CBR4: variants seen among roughly 807,000 people sequenced by gnomAD.
CBR4 encodes the protein 3-oxoacyl-[acyl-carrier-protein] reductase.
A neutral mutation model predicts 21.0 loss-of-function variants in CBR4; 22 were observed. The ratio of observed to expected loss-of-function variants is 1.05; its 90% confidence interval spans 0.75 to 1.50. The LOEUF is 1.50. Among genes scored for constraint, CBR4 ranks in the 40% most tolerant of loss-of-function variants. The pLI is 0.00. For missense variants in CBR4, 302 were observed against 286.3 expected, an observed-to-expected ratio of 1.05 and a Z score of -0.40; for synonymous variants, 100 against 104.4, an observed-to-expected ratio of 0.96 and a Z score of 0.26.
intron 2 of CBR4, among the ~76,000 whole-genome samples, chr4:168,975,379 T>G (rs1023551025): frequency 6.6e-6 from 1 of 152,122 alleles, no homozygotes; most frequent in African/African-American, 2.4e-5. Flanking sequence ...TGAATGCTGG[T>G]TATGTTAGCA....
At chr4:168,995,190 G>A (rs1765132883) in intron 4 of CBR4, among the ~76,000 whole-genome samples, 1 of 152,178 alleles carries the variant, frequency 6.6e-6, no homozygotes, top group Non-Finnish European at 1.5e-5. Context: ...TCTTACATTG[G>A]TAGGTACATA....
At chr4:168,968,314 T>C (rs1488563637) in intron 2 of CBR4, among the ~76,000 whole-genome samples, 2 of 152,190 alleles carry the variant, frequency 1.3e-5, no homozygotes, top group Non-Finnish European at 2.9e-5. Context: ...CCAAAGTGTG[T>C]TACTGACTAA....
At chr4:168,931,310 G>T (rs1370112391) in intron 2 of CBR4, among the ~76,000 whole-genome samples, 1 of 152,128 alleles carries the variant, frequency 6.6e-6, no homozygotes, top group Non-Finnish European at 1.5e-5. Flanking sequence ...ATGCCTCCAG[G>T]CCTACCCAGT....
intron 4 of CBR4, among the ~76,000 whole-genome samples, chr4:168,995,940 AAG>A (rs1203672406): frequency 6.6e-6 from 1 of 152,178 alleles, no homozygotes; most frequent in South Asian, 2.1e-4. Context: ...AGATCTGTAC[AAG>A]AGAGAGTGGT....
intron 2 of CBR4, chr4:168,898,418 A>C: frequency 1.1e-6 from 1 of 914,972 alleles, no homozygotes. Flanking sequence ...CTAGGGCCTT[A>C]TTGGGGGGCA....
chr4:168,921,814 T>C, intron 2 of CBR4: 1 of 1,170,298 alleles, frequency 8.5e-7, no homozygotes, highest in Non-Finnish European at 1.3e-6. Flanking sequence ...TAATTCTACA[T>C]TACTAACCAA....
At chr4:169,009,695 G>A (rs1413488717) in intron 1 of CBR4, among the ~76,000 whole-genome samples, 1 of 152,234 alleles carries the variant, frequency 6.6e-6, no homozygotes, top group Non-Finnish European at 1.5e-5. Context: ...AAAAGACTAC[G>A]AGGTCTCAAA....
intron 2 of CBR4, chr4:168,927,685 T>A (rs1285298166): frequency 4.4e-6 from 1 of 226,100 alleles, no homozygotes; most frequent in African/African-American, 2.2e-5. Flanking sequence ...GGTGCTGGAT[T>A]CCAAGGTTTG....
intron 2 of CBR4, among the ~76,000 whole-genome samples, chr4:168,897,096 G>A (rs1000389104): frequency 7.9e-5 from 12 of 152,300 alleles, no homozygotes; most frequent in Admixed American, 2.0e-4. Context: ...TTCCCAAAGC[G>A]CTGGGAATAC....
In CBR4 at chr4:168,990,036, T is replaced by C; in HGVS notation, c.*114A>G. ...TTTTATAAAGACAGAAATTAACATT[T>C]GTAGCATCAGCAGGTTTGATTAGCA... On this transcript the variant is annotated 3_prime_UTR_variant, in exon 5 of 5. Transcript: ENST00000306193. The C allele has an allele frequency of 7.6e-7, 1 of 1,323,372 alleles. No individual in the cohort carries two copies. Among genetic ancestry groups the C allele is most frequent in the Non-Finnish European group, 9.7e-7 (1 of 1,029,456 alleles). The allele number at this position is 1,323,372 out of a possible 1,614,324, so 82.0% of individuals were successfully genotyped here.
At chr4:168,934,129 C>G (rs1763036971) in intron 2 of CBR4, among the ~76,000 whole-genome samples, 1 of 151,734 alleles carries the variant, frequency 6.6e-6, no homozygotes, top group Non-Finnish European at 1.5e-5. Flanking sequence ...GTGGTGCACA[C>G]CTATAGCCCC....
intron 2 of CBR4, among the ~76,000 whole-genome samples, chr4:168,906,185 T>C (rs1052991945): frequency 7.2e-5 from 11 of 152,224 alleles, no homozygotes; most frequent in African/African-American, 2.7e-4. Context: ...GAATTATCTG[T>C]GGTCCTTACG....
chr4:168,941,474 G>A (rs549199183), intron 2 of CBR4, among the ~76,000 whole-genome samples: 14 of 151,812 alleles, frequency 9.2e-5, no homozygotes, highest in South Asian at 2.1e-4. Context: ...CAACAGATAC[G>A]GAAAAAGCAT....
Position 168,988,023 on chromosome 4 carries a change from C to T in CBR4, c.*2127G>A, listed in dbSNP as rs1479400168. 5 of 985,264 alleles carry T rather than the reference C, an allele frequency of 5.1e-6. No individual in the cohort carries two copies. The highest frequency in any genetic ancestry group is 4.7e-5 in the South Asian group (1 of 21,296). The allele number at this position is 985,264 out of a possible 1,614,324, so 61.0% of individuals were successfully genotyped here. A position where few individuals can be genotyped will look rare whatever the true frequency, so the allele number is the denominator to read the frequency against. Reference sequence around the variant, plus strand: ...AGTCAGCAAACAGCTACAGATGAGTCTTCTTGTTAAGAATTCATTCAATGC... The same window carrying T: ...AGTCAGCAAACAGCTACAGATGAGTTTTCTTGTTAAGAATTCATTCAATGC... On this transcript the variant is annotated 3_prime_UTR_variant, in exon 5 of 5. Transcript: ENST00000306193.
chr4:168,981,077 A>G (rs1023333561), intron 2 of CBR4, among the ~76,000 whole-genome samples: 4 of 152,162 alleles, frequency 2.6e-5, no homozygotes, highest in Non-Finnish European at 2.9e-5. Flanking sequence ...GAACAATTCA[A>G]AAGATAAAAA....
intron 2 of CBR4, chr4:168,925,259 C>A: frequency 6.2e-7 from 1 of 1,607,160 alleles, no homozygotes; most frequent in African/African-American, 1.3e-5. Context: ...GTGAACCACA[C>A]CAGGAGAACA....
rs1336583410 is a variant in CBR4, at chr4:168,988,778, T to C, written c.*1372A>G. On this transcript the variant is annotated 3_prime_UTR_variant, in exon 5 of 5. Transcript: ENST00000306193. The stretch of plus-strand genomic sequence containing the variant: ...AACTATTTCAAAGATAAATTTAAAA[T>C]AATTTTTAAGGAACCCAGAATTTTT... The C allele has an allele frequency of 1.0e-6, 1 of 961,846 alleles. No homozygotes were observed. The highest frequency in any genetic ancestry group is 1.1e-4 in the East Asian group (1 of 8,708). The allele number at this position is 961,846 out of a possible 1,614,324, so 59.6% of individuals were successfully genotyped here.
At position 168,973,228 on chromosome 4, in the gene CBR4, G is replaced by GT. The variant is rs889984503; in HGVS notation, n.169+28842dup. On this transcript the variant is annotated intron_variant and non_coding_transcript_variant, in intron 2 of 3. Coordinates refer to the CBR4 transcript ENST00000509108. Reference sequence around the variant, plus strand: ...TGTTTATTGGGGATATTGATATGTAGTTTTTTTGTTGTTTTTGTTATGTTC... The same window carrying GT: ...TGTTTATTGGGGATATTGATATGTAGTTTTTTTTGTTGTTTTTGTTATGTTC... Among the ~76,000 whole-genome samples, 6 of 152,190 alleles carry GT rather than the reference G, an allele frequency of 3.9e-5. No homozygotes were observed. In the South Asian group the frequency reaches 6.2e-4, roughly 16 times the overall value.
At chr4:168,934,273 C>CAAAAAAAAAAAAAAAAAAAAAAAAG (rs1206272373) in intron 2 of CBR4, among the ~76,000 whole-genome samples, 1 of 10,666 alleles carries the variant, frequency 9.4e-5, no homozygotes. Flanking sequence ...ACTAGAAAAG[C>CAAAAAAAAAAAAAAAAAAAAAAAAG]AAAAAAAACA....
Sources: allele counts gnomAD v4.1 joint callset (sites outside exome capture counted in the v4.1 genomes callset), GRCh38; gene constraint gnomAD v4.1.1; transcripts MANE v1.5; gene names NCBI Gene and HGNC (gene_info 2026-07-23, HGNC 2026-07-21).